ADGRL4: variants seen among roughly 807,000 people sequenced by gnomAD.
The protein encoded by ADGRL4 is EGF, latrophilin and seven transmembrane domain containing 1.
In ADGRL4, 90 loss-of-function variants were observed where a neutral mutation model predicts 74.8. The observed-to-expected ratio is 1.20, with a 90% CI of 1.02 to 1.43. The LOEUF is 1.43. ADGRL4 is among the 40% of genes most tolerant of loss of function. The pLI, the probability that ADGRL4 is intolerant of heterozygous loss-of-function variation, is 0.00. For missense variants in ADGRL4, 881 were observed against 814.3 expected (o/e 1.08, Z -1.00); for synonymous variants, 311 against 279.2 (o/e 1.11, Z -1.14).
intron 2 of ADGRL4, among the ~76,000 whole-genome samples, chr1:78,981,282 A>T (rs1014201020): frequency 6.6e-6 from 1 of 151,946 alleles, no homozygotes; most frequent in African/African-American, 2.4e-5. Context: ...TTTAAAGTAA[A>T]ATAGATGAAT....
At chr1:78,937,333 A>C (rs1438425825) in intron 6 of ADGRL4, among the ~76,000 whole-genome samples, 1 of 152,096 alleles carries the variant, frequency 6.6e-6, no homozygotes, top group African/African-American at 2.4e-5. Context: ...TAATCCCAGC[A>C]AGTTGGGAGG....
intron 2 of ADGRL4, among the ~76,000 whole-genome samples, chr1:78,993,869 G>T (rs560148264): frequency 5.9e-5 from 9 of 152,072 alleles, no homozygotes; most frequent in South Asian, 2.1e-4. Flanking sequence ...CACCGCACCC[G>T]GCCAAAAATT....
intron 1 of ADGRL4, among the ~76,000 whole-genome samples, chr1:79,006,003 T>C (rs759115580): frequency 1.3e-5 from 2 of 152,206 alleles, no homozygotes; most frequent in Non-Finnish European, 2.9e-5. Flanking sequence ...AATTATATGT[T>C]GTGGACTGAT....
intron 8 of ADGRL4, among the ~76,000 whole-genome samples, chr1:78,923,708 G>A (rs765569429): frequency 6.6e-6 from 1 of 151,424 alleles, no homozygotes; most frequent in East Asian, 1.9e-4. Flanking sequence ...AATCAGGATT[G>A]AAAAAATAAA....
intron 12 of ADGRL4, among the ~76,000 whole-genome samples, chr1:78,913,624 G>C (rs1275558461): frequency 2.6e-5 from 4 of 151,870 alleles, no homozygotes; most frequent in African/African-American, 9.7e-5. Context: ...GCCTACTTGA[G>C]TGTAGAAGAT....
At chr1:78,947,182 T>C (rs12406020) in intron 2 of ADGRL4, among the ~76,000 whole-genome samples, 1 of 152,082 alleles carries the variant, frequency 6.6e-6, no homozygotes, top group South Asian at 2.1e-4. Flanking sequence ...AAACCCTGTT[T>C]TGGGTTAAAA....
At chr1:78,894,401 T>G (rs377756446) in intron 12 of ADGRL4, among the ~76,000 whole-genome samples, 1 of 152,026 alleles carries the variant, frequency 6.6e-6, no homozygotes, top group African/African-American at 2.4e-5. Flanking sequence ...ATATGAGTAA[T>G]TAATCCTAAT....
At chr1:78,980,407 T>TA (rs961463864) in intron 2 of ADGRL4, among the ~76,000 whole-genome samples, 173 of 151,616 alleles carry the variant, frequency 1.1e-3, no homozygotes, top group African/African-American at 3.9e-3. Context: ...AAAAACAAAA[T>TA]AAAAAAAACT....
intron 2 of ADGRL4, among the ~76,000 whole-genome samples, chr1:78,955,898 T>C (rs58435051): frequency 0.014 from 2,188 of 152,244 alleles, 55 homozygotes; most frequent in African/African-American, 0.05. Flanking sequence ...GGAAAAAAAC[T>C]ATCTAATCTA....
chr1:78,945,767 T>C (rs1570246491), intron 3 of ADGRL4, among the ~76,000 whole-genome samples: 1 of 152,122 alleles, frequency 6.6e-6, no homozygotes, highest in South Asian at 2.1e-4. Context: ...GACTCTAGTG[T>C]TCAGAAAAAC....
intron 11 of ADGRL4, 42 bp downstream of exon 11, chr1:78,917,788 C>T (rs201274337): frequency 1.4e-4 from 222 of 1,594,390 alleles, no homozygotes; most frequent in Admixed American, 2.2e-4. Context: ...AAAGCACATT[C>T]AAAATCGTAT....
At chr1:78,982,665 C>T (rs1650420346) in intron 2 of ADGRL4, among the ~76,000 whole-genome samples, 1 of 151,632 alleles carries the variant, frequency 6.6e-6, no homozygotes. Flanking sequence ...TCTAGAAATG[C>T]TAGATAAAAT....
rs150223067 is a variant in ADGRL4, at chr1:78,996,585, T to C, written c.172+8485A>G. ...AAGCTTTGGGAAATTAATTTATGTC[T>C]TTTATTTTATCCTCTGCTAAATTTT... On this transcript the variant is annotated intron_variant, in intron 2 of 14. Coordinates refer to ENST00000370742, the MANE Select transcript of ADGRL4 (RefSeq NM_022159.4). Among the ~76,000 whole-genome samples, 314 of 152,242 alleles carry C rather than the reference T, an allele frequency of 2.1e-3. 4 individuals carry two copies. Among genetic ancestry groups the C allele is most frequent in the African/African-American group, 7.1e-3 (297 of 41,562 alleles).
chr1:78,932,502 C>A (rs572172709), intron 7 of ADGRL4, among the ~76,000 whole-genome samples: 1 of 148,980 alleles, frequency 6.7e-6, no homozygotes, highest in East Asian at 2.0e-4. Flanking sequence ...CCTAACATCA[C>A]AATTAAAAGA....
At chr1:79,003,242 C>T (rs997213989) in intron 2 of ADGRL4, among the ~76,000 whole-genome samples, 1 of 151,918 alleles carries the variant, frequency 6.6e-6, no homozygotes, top group African/African-American at 2.4e-5. Flanking sequence ...TTCTAAAGAG[C>T]ATATTAACTA....
intron 2 of ADGRL4, among the ~76,000 whole-genome samples, chr1:78,966,639 C>T (rs972833326): frequency 2.0e-5 from 3 of 152,234 alleles, no homozygotes; most frequent in Non-Finnish European, 4.4e-5. Flanking sequence ...GCAGGGGCTC[C>T]TCACTCCCCC....
Position 78,926,870 on chromosome 1 carries a change from C to T in ADGRL4, c.1083+16G>A. 1.3e-6 allele frequency: 2 copies of T among 1,586,594 alleles called. No individual in the cohort carries two copies. Among genetic ancestry groups the T allele is most frequent in the Middle Eastern group, 1.7e-4 (1 of 5,956 alleles). On this transcript the variant is annotated intron_variant, in intron 8 of 14. Transcript: ENST00000370742. ...TATCACAATCATAGCCAATAACTACCAGAAAAACAGCTTACCTTTCGATGA... is the reference window on the plus strand; with the variant it reads ...TATCACAATCATAGCCAATAACTACTAGAAAAACAGCTTACCTTTCGATGA...
At chr1:78,943,984 A>C (rs1298497482) in intron 3 of ADGRL4, among the ~76,000 whole-genome samples, 1 of 152,188 alleles carries the variant, frequency 6.6e-6, no homozygotes, top group East Asian at 1.9e-4. Context: ...ATTCCACCTT[A>C]ACACAATAGA....
chr1:78,938,468 A>C (rs1272809097), intron 4 of ADGRL4, among the ~76,000 whole-genome samples, 189 bp from the exon 5 acceptor site: 1 of 152,130 alleles, frequency 6.6e-6, no homozygotes, highest in African/African-American at 2.4e-5. Flanking sequence ...GAGATTAGCA[A>C]ATAACTTAAA....
Sources: gnomAD v4.1 joint callset for allele counts (sites outside exome capture counted in the v4.1 genomes callset) on GRCh38, gnomAD v4.1.1 for gene constraint, MANE v1.5 for transcripts, NCBI Gene and HGNC (gene_info 2026-07-23, HGNC 2026-07-21) for gene names.